Variants in CA10 observed in about 807,000 individuals in gnomAD.
CA10 encodes carbonic anhydrase 10 (inactive).
A neutral mutation model predicts 44.2 loss-of-function variants in CA10; 14 were observed. That is an observed-to-expected ratio of 0.32 (90% CI 0.21 to 0.50). The LOEUF (loss-of-function observed/expected upper bound fraction) is 0.50, where lower values mean the gene tolerates loss of function less well. Among genes scored for constraint, CA10 ranks in the 20% least tolerant of loss-of-function variants. The probability of loss-of-function intolerance (pLI) is 0.99; values close to 1 mark genes in which losing one functional copy is unlikely to be tolerated. For synonymous variants in CA10, 159 were observed against 141.6 expected, an observed-to-expected ratio of 1.12 and a Z score of -0.87; for missense variants, 350 against 409.7, an observed-to-expected ratio of 0.85 and a Z score of 1.26.
chr17:51,700,620 A>T (rs533914320), intron 4 of CA10, among the ~76,000 whole-genome samples: 1 of 152,010 alleles, frequency 6.6e-6, no homozygotes, highest in African/African-American at 2.4e-5. Flanking sequence ...GCCTGTCCCA[A>T]TGACTGTATG....
intron 2 of CA10, among the ~76,000 whole-genome samples, chr17:51,954,969 A>G (rs1983612396): frequency 6.6e-6 from 1 of 152,140 alleles, no homozygotes. Flanking sequence ...TCAGGCTGTC[A>G]AGATTCACAA....
chr17:51,844,103 G>T (rs1416846793), intron 3 of CA10, among the ~76,000 whole-genome samples: 2 of 152,048 alleles, frequency 1.3e-5, no homozygotes, highest in African/African-American at 4.8e-5. Flanking sequence ...AAGAACTGCT[G>T]GAATCACACG....
intron 1 of CA10, among the ~76,000 whole-genome samples, chr17:52,115,689 G>C (rs1379300893): frequency 1.3e-5 from 2 of 152,212 alleles, no homozygotes; most frequent in Non-Finnish European, 2.9e-5. Flanking sequence ...GTTGGGGCTG[G>C]GGCACATGGC....
chr17:51,670,818 T>C (rs1914388905), intron 4 of CA10, among the ~76,000 whole-genome samples: 2 of 152,214 alleles, frequency 1.3e-5, no homozygotes, highest in African/African-American at 4.8e-5. Flanking sequence ...ACCTCCAATT[T>C]AGAGTTAAGG....
chr17:51,633,539 T>C lies in CA10; in HGVS notation c.901A>G (p.Ile301Val). The C allele has an allele frequency of 6.2e-7, 1 of 1,614,026 alleles. No homozygotes were observed. Among genetic ancestry groups the C allele is most frequent in the Admixed American group, 1.7e-5 (1 of 60,014 alleles). The change falls in exon 8 of 9, where the codon ATC becomes GTC. Residue 301 changes from isoleucine to valine, a missense_variant. Ile to Val is a conservative substitution (Grantham distance 29, BLOSUM62 3). Coordinates refer to ENST00000451037, the MANE Select transcript of CA10 (RefSeq NM_020178.5). ...PLNNRCIRTN[I>V]NFSLQGKDCP... ...TCCTTCCCCTGTAAACTGAAGTTGATATTGGTGCGGATGCAGCGGTTGTTG... is the reference window on the plus strand; with the variant it reads ...TCCTTCCCCTGTAAACTGAAGTTGACATTGGTGCGGATGCAGCGGTTGTTG...
intron 3 of CA10, among the ~76,000 whole-genome samples, chr17:51,898,722 T>G (rs1021621710): frequency 6.6e-6 from 1 of 152,160 alleles, no homozygotes; most frequent in Non-Finnish European, 1.5e-5. Context: ...TGATTCAATT[T>G]CAGAACTCAT....
chr17:51,697,395 C>G (rs189131862), intron 4 of CA10, among the ~76,000 whole-genome samples: 5 of 152,320 alleles, frequency 3.3e-5, no homozygotes, highest in African/African-American at 1.2e-4. Flanking sequence ...GGCCTTTGTA[C>G]CAGCTCTTCC....
intron 4 of CA10, among the ~76,000 whole-genome samples, chr17:51,731,222 C>T (rs1567820183): frequency 1.3e-5 from 2 of 152,090 alleles, no homozygotes; most frequent in Admixed American, 1.3e-4. Flanking sequence ...ACTAAAAATA[C>T]AAAAATTAGC....
At chr17:51,735,777 A>C (rs749328714) in intron 4 of CA10, among the ~76,000 whole-genome samples, 16 of 152,078 alleles carry the variant, frequency 1.1e-4, no homozygotes, top group Non-Finnish European at 5.9e-5. Context: ...ACTTCAGAGA[A>C]CTTTATGCCA....
At chr17:52,075,660 C>T (rs1987799239) in intron 1 of CA10, among the ~76,000 whole-genome samples, 1 of 152,076 alleles carries the variant, frequency 6.6e-6, no homozygotes, top group African/African-American at 2.4e-5. Flanking sequence ...TTGCTAATTG[C>T]CACTCTTTCA....
chr17:52,057,782 G>T (rs952735400), intron 2 of CA10, among the ~76,000 whole-genome samples: 2 of 152,088 alleles, frequency 1.3e-5, no homozygotes, highest in Admixed American at 6.6e-5. Context: ...CAGGTCATTT[G>T]GTGGGTTTCA....
chr17:51,931,740 GT>G (rs1284259301), intron 2 of CA10, among the ~76,000 whole-genome samples: 1 of 152,078 alleles, frequency 6.6e-6, no homozygotes, highest in African/African-American at 2.4e-5. Context: ...AAGAATTGGT[GT>G]TCATTTGATA....
At chr17:51,955,015 C>CA (rs2144039487) in intron 2 of CA10, among the ~76,000 whole-genome samples, 1 of 152,246 alleles carries the variant, frequency 6.6e-6, no homozygotes, top group South Asian at 2.1e-4. Context: ...TTACTGGTGA[C>CA]CTTCCCACAG....
intron 2 of CA10, among the ~76,000 whole-genome samples, chr17:51,994,690 T>A (rs1985166985): frequency 6.6e-6 from 1 of 152,088 alleles, no homozygotes; most frequent in Admixed American, 6.6e-5. Flanking sequence ...TAGACCAATT[T>A]ATTGATTTAT....
chr17:51,734,135 G>A (rs1243289438), intron 4 of CA10, among the ~76,000 whole-genome samples: 2 of 142,428 alleles, frequency 1.4e-5, no homozygotes. Flanking sequence ...TTACCTTAAA[G>A]GAGGTATGAG....
chr17:52,093,469 T>C (rs80177422), intron 1 of CA10, among the ~76,000 whole-genome samples: 1,944 of 152,278 alleles, frequency 0.013, 42 homozygotes, highest in African/African-American at 0.042. Context: ...TTGCTGTGAA[T>C]TGAAACAACT....
chr17:51,926,505 T>A (rs984487903), intron 3 of CA10, among the ~76,000 whole-genome samples: 1 of 152,186 alleles, frequency 6.6e-6, no homozygotes, highest in South Asian at 2.1e-4. Context: ...TATTATCTTA[T>A]ATTTGGGGAG....
rs117548498 is a variant in CA10, at chr17:51,865,161, C to A, written c.279+65829G>T. Among the ~76,000 whole-genome samples the A allele has an allele frequency of 2.0e-3, 304 of 152,266 alleles. 13 individuals are homozygous for A. In the East Asian group the frequency reaches 0.051, roughly 26 times the overall value. ...ACATCAAATTGCATTTATTCTACTGCACCCTGACACTCCTCATCTCACTTT... is the reference window on the plus strand; with the variant it reads ...ACATCAAATTGCATTTATTCTACTGAACCCTGACACTCCTCATCTCACTTT... On this transcript the variant is annotated intron_variant, in intron 3 of 8. Coordinates refer to ENST00000451037, the MANE Select transcript of CA10 (RefSeq NM_020178.5).
At position 52,113,164 on chromosome 17, in the gene CA10, A is replaced by G. The variant is rs528630443; in HGVS notation, c.62-40771T>C. 2.0e-5 allele frequency among the ~76,000 whole-genome samples: 3 copies of G among 152,334 alleles called. No individual in the cohort carries two copies. In the South Asian group the frequency reaches 6.2e-4, roughly 32 times the overall value. ...GATTGGCTTAGAATATAAACCTTGA[A>G]TTCCTAAGAGAGCTTACAAGTTTGT... On this transcript the variant is annotated intron_variant, in intron 1 of 8. Transcript: ENST00000451037.
Sources: allele counts gnomAD v4.1 joint callset (sites outside exome capture counted in the v4.1 genomes callset), GRCh38; gene constraint gnomAD v4.1.1; transcripts MANE v1.5; gene names NCBI Gene and HGNC (gene_info 2026-07-23, HGNC 2026-07-21).